The following HPS5 variants were observed in gnomAD, a reference collection of about 807,000 sequenced individuals.
HPS5 encodes the protein HPS5 biogenesis of lysosomal organelles complex 2 subunit 2, also known as BLOC-2 complex member HPS5.
A neutral mutation model predicts 128.0 loss-of-function variants in HPS5; 83 were observed. That is an observed-to-expected ratio of 0.65 (90% CI 0.54 to 0.78). The LOEUF is 0.78. Among genes scored for constraint, HPS5 ranks in the 30% least tolerant of loss-of-function variants. HPS5 has a pLI of 0.00. For synonymous variants in HPS5, 475 were observed against 470.2 expected (o/e 1.01, Z -0.13); for missense variants, 1,281 against 1,326.2 (o/e 0.97, Z 0.53).
chr11:18,280,639 GTGTC>G, intron 22 of HPS5: 1 of 690,424 alleles, frequency 1.4e-6, no homozygotes, highest in Non-Finnish European at 2.6e-6. Flanking sequence ...AGCAATTCAA[GTGTC>G]TGTCAACAGA....
chr11:18,287,473 T>C, intron 18 of HPS5, 62 bp downstream of exon 18: 1 of 1,567,936 alleles, frequency 6.4e-7, no homozygotes, highest in Non-Finnish European at 8.8e-7. Context: ...CACCTGCTTA[T>C]AAAAGAGAAA....
At position 18,291,778 on chromosome 11, in the gene HPS5, C is replaced by T. The variant is rs1057359883; in HGVS notation, c.2104G>A (p.Val702Ile). Residue 702 changes from valine (V) to isoleucine (I), a missense_variant, in exon 16 of 23, where the codon GTT (valine) becomes ATT (isoleucine). By Grantham distance (29) the Val-to-Ile change is conservative. Coordinates refer to ENST00000349215, the MANE Select transcript of HPS5 (RefSeq NM_181507.2). The part of the protein sequence containing the change: ...KRDSLGNEES[V>I]DKTACECVRS... Reference sequence around the variant, plus strand: ...ACACATTCACATGCTGTTTTATCAACAGATTCTTCATTGCCTAAAGAGTCC... The same window carrying T: ...ACACATTCACATGCTGTTTTATCAATAGATTCTTCATTGCCTAAAGAGTCC... 2 of 1,614,006 alleles carry T rather than the reference C, an allele frequency of 1.2e-6. No homozygotes were observed. The highest frequency in any genetic ancestry group is 2.7e-5 in the African/African-American group (2 of 74,942).
chr11:18,321,892 GAACA>G (rs1564995173), intron 1 of HPS5, 50 bp downstream of exon 1: 1 of 152,250 alleles, frequency 6.6e-6, no homozygotes, highest in Non-Finnish European at 1.5e-5. Context: ...ACACAGGGAT[GAACA>G]AAACACAATC....
chr11:18,311,307 G>C, intron 4 of HPS5, 80 bp downstream of exon 4: 1 of 1,003,400 alleles, frequency 1.0e-6, no homozygotes, highest in Non-Finnish European at 1.6e-6. Context: ...AAACCAGGAT[G>C]GTTGGTCACC....
intron 2 of HPS5, among the ~76,000 whole-genome samples, chr11:18,312,488 A>G (rs999966734): frequency 2.2e-4 from 33 of 152,256 alleles, no homozygotes; most frequent in African/African-American, 6.5e-4. Context: ...CAGAGAATGC[A>G]GTGGTCATGC....
chr11:18,295,537 A>G (rs1026255541), intron 13 of HPS5, among the ~76,000 whole-genome samples: 2 of 152,234 alleles, frequency 1.3e-5, no homozygotes, highest in Non-Finnish European at 2.9e-5. Context: ...ACTAGTCACA[A>G]TATACCCTTC....
chr11:18,285,370 A>AT lies in HPS5; in HGVS notation c.2926dup (p.Met976AsnfsTer36). On this transcript the variant is annotated frameshift_variant, in exon 20 of 23. Transcript: ENST00000349215. LOFTEE classifies it high-confidence loss of function. ...CCCACAAGACCTGCAGATGTCTGTC[A>AT]TTTTCTCTTTGGTTATAAAATCTGC... 3 of 1,612,074 alleles carry AT rather than the reference A, an allele frequency of 1.9e-6. No individual in the cohort carries two copies. The highest frequency in any genetic ancestry group is 1.7e-4 in the Middle Eastern group (1 of 6,054).
intron 14 of HPS5, 45 bp from the exon 15 acceptor site, chr11:18,293,021 G>C (rs1330650244): frequency 6.9e-7 from 1 of 1,442,940 alleles, no homozygotes; most frequent in East Asian, 2.4e-5. Flanking sequence ...AAGAGTTAGA[G>C]GGGATCAGAG....
chr11:18,294,888 G>A (rs2134315472), intron 14 of HPS5, 132 bp downstream of exon 14: 2 of 860,264 alleles, frequency 2.3e-6, no homozygotes, highest in Admixed American at 2.2e-5. Context: ...ATTTGTGTTG[G>A]GCCACGTTCA....
chr11:18,309,153 T>C, intron 5 of HPS5, 74 bp from the exon 6 acceptor site: 1 of 1,415,766 alleles, frequency 7.1e-7, no homozygotes, highest in Non-Finnish European at 9.8e-7. Flanking sequence ...CTCTTTACCT[T>C]GTAAATGAAA....
At chr11:18,280,042 G>T in intron 22 of HPS5, 100 bp from the exon 23 acceptor site, 1 of 1,212,708 alleles carries the variant, frequency 8.2e-7, no homozygotes, top group Non-Finnish European at 1.2e-6. Context: ...TCAAAAAGTT[G>T]ACTGATTCTG....
chr11:18,303,714 G>A (rs529119827), intron 8 of HPS5, among the ~76,000 whole-genome samples: 15 of 152,174 alleles, frequency 9.9e-5, no homozygotes, highest in African/African-American at 2.9e-4. Context: ...TTAGCCAGGC[G>A]TGGTGGCGTG....
At chr11:18,289,119 C>T (rs1013974366) in intron 16 of HPS5, among the ~76,000 whole-genome samples, 2 of 152,190 alleles carry the variant, frequency 1.3e-5, no homozygotes, top group African/African-American at 2.4e-5. Flanking sequence ...ATTATCACAT[C>T]ATTAGAAGGG....
At chr11:18,318,291 C>T (rs1323695484) in intron 1 of HPS5, among the ~76,000 whole-genome samples, 2 of 152,196 alleles carry the variant, frequency 1.3e-5, no homozygotes, top group South Asian at 2.1e-4. Flanking sequence ...CTCATTAAAA[C>T]GCAATCTTCT....
rs1190171634 is a variant in HPS5, at chr11:18,297,227, T to C, written c.1324-243A>G. On this transcript the variant is annotated intron_variant, in intron 11 of 22. Coordinates refer to ENST00000349215, the MANE Select transcript of HPS5 (RefSeq NM_181507.2). ...TAAAGCTTGGTAGTGAGAATGGGGA[T>C]TAAATGAGATAATCCAGACCTGCAT... Among the ~76,000 whole-genome samples, 4 of 152,166 alleles carry C rather than the reference T, an allele frequency of 2.6e-5. No individual in the cohort carries two copies. The East Asian group carries it at 7.7e-4, about 29-fold the overall frequency.
Position 18,291,925 on chromosome 11 carries a change from T to C in HPS5, c.1957A>G (p.Met653Val), listed in dbSNP as rs1411175460. 3.1e-6 allele frequency: 5 copies of C among 1,609,644 alleles called. No individual in the cohort carries two copies. The highest frequency in any genetic ancestry group is 2.2e-5 in the East Asian group (1 of 44,848). The change falls in exon 16 of 23, where the codon ATG (methionine) becomes GTG (valine). Residue 653 changes from methionine (M) to valine (V), a missense_variant. Met to Val is a conservative substitution (Grantham distance 21, BLOSUM62 1). Coordinates refer to ENST00000349215, the MANE Select transcript of HPS5 (RefSeq NM_181507.2). The stretch of plus-strand genomic sequence containing the variant: ...TCTGAAACACCTGAAAAGTCCTTCA[T>C]GGCAAATGTTTTTTCTAAATGTGAA... ...WLSHLEKTFA[M>V]KDFSGVSDTD... is the part of the protein sequence containing the mutation.
intron 2 of HPS5, among the ~76,000 whole-genome samples, chr11:18,314,864 C>A (rs989420531): frequency 1.3e-5 from 2 of 152,098 alleles, no homozygotes; most frequent in Non-Finnish European, 2.9e-5. Context: ...CCACGTCCAG[C>A]TGATTTTTGT....
At chr11:18,298,769 T>C (rs766604102) in intron 10 of HPS5, 23 bp downstream of exon 10, 2 of 1,612,154 alleles carry the variant, frequency 1.2e-6, no homozygotes, top group South Asian at 1.1e-5. Context: ...ATGGTAAAGA[T>C]GTCTAGGTAA....
chr11:18,289,647 A>C (rs1312466215), intron 16 of HPS5, among the ~76,000 whole-genome samples: 1 of 152,232 alleles, frequency 6.6e-6, no homozygotes, highest in Non-Finnish European at 1.5e-5. Context: ...CTATAGATCC[A>C]TGTTTCTAGA....
Sources: allele counts gnomAD v4.1 joint callset (sites outside exome capture counted in the v4.1 genomes callset), GRCh38; gene constraint gnomAD v4.1.1; transcripts MANE v1.5; gene names NCBI Gene and HGNC (gene_info 2026-07-23, HGNC 2026-07-21).